NSUN2: variants seen among roughly 807,000 people sequenced by gnomAD.
NSUN2 encodes NOP2/Sun RNA methyltransferase 2.
A neutral mutation model predicts 92.7 loss-of-function variants in NSUN2; 63 were observed. That is an observed-to-expected ratio of 0.68 (90% CI 0.56 to 0.84). The LOEUF (loss-of-function observed/expected upper bound fraction) is 0.84, where lower values mean the gene tolerates loss of function less well. Ranked by LOEUF, NSUN2 falls within the 40% of genes least tolerant of loss-of-function variation. NSUN2 has a pLI of 0.00. For missense variants in NSUN2, 989 were observed against 964.9 expected, an observed-to-expected ratio of 1.02 and a Z score of -0.33; for synonymous variants, 356 against 348.3, an observed-to-expected ratio of 1.02 and a Z score of -0.25.
chr5:6,612,095 A>G (rs368738075), intron 9 of NSUN2, among the ~76,000 whole-genome samples: 51 of 152,336 alleles, frequency 3.3e-4, no homozygotes, highest in African/African-American at 1.1e-3. Flanking sequence ...AAACTTACTA[A>G]AAATCACTGA....
At chr5:6,609,774 C>G in intron 12 of NSUN2, 52 bp downstream of exon 12, 1 of 1,450,212 alleles carries the variant, frequency 6.9e-7, no homozygotes, top group East Asian at 2.3e-5. Flanking sequence ...TAGTTTTTGT[C>G]TTAAATGTAC....
chr5:6,633,005 C>A lies in NSUN2; in HGVS notation c.-26G>T. On this transcript the variant is annotated 5_prime_UTR_variant, in exon 1 of 19. Transcript: ENST00000264670. ...AGCCCACGCGGCCGCGCACGCAGCA[C>A]GCAGAAACCGGCCCGCCACGGCCAG... The A allele has an allele frequency of 7.0e-7, 1 of 1,423,592 alleles. No homozygotes were observed. Among genetic ancestry groups the A allele is most frequent in the Non-Finnish European group, 9.1e-7 (1 of 1,100,278 alleles). 88.2% of individuals were successfully genotyped at this position (1,423,592 alleles called of 1,614,324 possible). A position where few individuals can be genotyped will look rare whatever the true frequency, so the allele number is the denominator to read the frequency against.
rs757708916 is a variant in NSUN2, at chr5:6,632,729, C to T, written c.124G>A (p.Val42Ile). The T allele has an allele frequency of 1.9e-6, 3 of 1,614,060 alleles. No homozygotes were observed. The highest frequency in any genetic ancestry group is 2.5e-6 in the Non-Finnish European group (3 of 1,179,952). ...AGWEGGYPEI[V>I]KENKLFEHYY... ...TGCTCGAACAGCTTGTTCTCCTTGA[C>T]GATCTCGGGGTAGCCTCCTTCCCAG... Residue 42 changes from valine (V) to isoleucine (I), a missense_variant, in exon 2 of 19, where the codon GTC becomes ATC. Physicochemically the swap from Val to Ile is conservative, Grantham distance 29 (BLOSUM62 3). This residue lies in a region of NSUN2 where 356 missense variants were observed against 338.6 expected (regional missense o/e 1.05). Transcript: ENST00000264670.
intron 7 of NSUN2, 46 bp downstream of exon 7, chr5:6,620,060 T>C: frequency 6.9e-7 from 1 of 1,444,154 alleles, no homozygotes; most frequent in Non-Finnish European, 9.3e-7. Context: ...CTATTTGACT[T>C]GATTTCTTTA....
intron 2 of NSUN2, 62 bp downstream of exon 2, chr5:6,632,537 G>A: frequency 1.9e-6 from 3 of 1,566,976 alleles, no homozygotes; most frequent in Non-Finnish European, 2.6e-6. Context: ...AGAAAACACC[G>A]TCGCCTTTAA....
chr5:6,619,409 T>C (rs1335994049), intron 7 of NSUN2, among the ~76,000 whole-genome samples: 1 of 152,236 alleles, frequency 6.6e-6, no homozygotes, highest in Non-Finnish European at 1.5e-5. Flanking sequence ...AATTCTGGTC[T>C]TGACAAACTT....
chr5:6,608,857 A>C (rs2126478582), intron 12 of NSUN2, among the ~76,000 whole-genome samples: 1 of 152,360 alleles, frequency 6.6e-6, no homozygotes, highest in East Asian at 1.9e-4. Context: ...AAAGTATCTA[A>C]TACTTTACAA....
chr5:6,607,287 G>T lies in NSUN2; in HGVS notation c.1421C>A (p.Pro474Gln). The T allele has an allele frequency of 6.2e-7, 1 of 1,614,146 alleles. No homozygotes were observed. The highest frequency in any genetic ancestry group is 1.7e-5 in the Admixed American group (1 of 60,014). The stretch of plus-strand genomic sequence containing the variant: ...TGTGTCACCAGTTCCTGTGAATGAC[G>T]GACTTTCCAGCTTAGAGGGATCTGT... ...KPTDPSKLES[P>Q]SFTGTGDTEI... The change falls in exon 13 of 19, where the codon CCG becomes CAG. Residue 474 changes from proline (P) to glutamine (Q), a missense_variant. Coordinates refer to ENST00000264670, the MANE Select transcript of NSUN2 (RefSeq NM_017755.6).
chr5:6,619,255 A>G (rs1737337166), intron 7 of NSUN2, among the ~76,000 whole-genome samples: 1 of 152,244 alleles, frequency 6.6e-6, no homozygotes, highest in South Asian at 2.1e-4. Flanking sequence ...AGCTATATTC[A>G]GAGCCACCAG....
chr5:6,604,953 A>T, intron 15 of NSUN2: 1 of 597,226 alleles, frequency 1.7e-6, no homozygotes, highest in Non-Finnish European at 3.0e-6. Flanking sequence ...GGGTCGGGGC[A>T]GCAGTACTCG....
intron 3 of NSUN2, 140 bp from the exon 4 acceptor site, chr5:6,625,809 C>G (rs922731825): frequency 6.2e-6 from 4 of 645,084 alleles, no homozygotes; most frequent in Non-Finnish European, 1.1e-5. Flanking sequence ...CCTCTACGGA[C>G]AGTCAGCAAC....
At position 6,610,671 on chromosome 5, in the gene NSUN2, G is replaced by C. The variant is rs577521876; in HGVS notation, c.1226+284C>G. 4.4e-5 allele frequency among the ~76,000 whole-genome samples: 6 copies of C among 137,806 alleles called. 1 individual carries two copies. The East Asian group carries it at 1.3e-3, about 30-fold the overall frequency. The allele number at this position is 137,806 out of a possible 152,430, so 90.4% of individuals were successfully genotyped here. A position where few individuals can be genotyped will look rare whatever the true frequency, so the allele number is the denominator to read the frequency against. The stretch of plus-strand genomic sequence containing the variant: ...TACACTCCAGCCTGGATGACAGAGT[G>C]AGACTCTCTCTCAAAAAAAAAAAAA... On this transcript the variant is annotated intron_variant, in intron 11 of 18. Transcript: ENST00000264670.
chr5:6,606,307 G>A (rs533274555), intron 14 of NSUN2, among the ~76,000 whole-genome samples: 28 of 152,070 alleles, frequency 1.8e-4, no homozygotes, highest in Middle Eastern at 6.8e-3. Context: ...TTTTTGAGAC[G>A]GAGTCTCGCT....
intron 4 of NSUN2, among the ~76,000 whole-genome samples, chr5:6,624,276 C>T (rs1737567416): frequency 6.6e-6 from 1 of 152,206 alleles, no homozygotes; most frequent in Non-Finnish European, 1.5e-5. Context: ...AAGATGGGGA[C>T]ATCCCGGCAG....
At chr5:6,619,304 T>C (rs1737338250) in intron 7 of NSUN2, among the ~76,000 whole-genome samples, 1 of 151,926 alleles carries the variant, frequency 6.6e-6, no homozygotes. Flanking sequence ...GAGCAGTAAC[T>C]CTGCCACTTA....
chr5:6,614,094 G>T (rs1245762904), intron 9 of NSUN2, among the ~76,000 whole-genome samples: 1 of 53,414 alleles, frequency 1.9e-5, no homozygotes, highest in Non-Finnish European at 3.5e-5. Flanking sequence ...AGACTGTCTC[G>T]GAAAAAAAAA....
intron 9 of NSUN2, among the ~76,000 whole-genome samples, chr5:6,612,464 T>C (rs759787196): frequency 4.5e-4 from 68 of 152,172 alleles, no homozygotes; most frequent in Admixed American, 2.4e-3. Flanking sequence ...GAAAACACAC[T>C]GGCCTTAAGT....
Position 6,620,308 on chromosome 5 carries a change from C to T in NSUN2, c.623-10G>A. The T allele has an allele frequency of 6.5e-7, 1 of 1,544,040 alleles. No individual in the cohort carries two copies. Among genetic ancestry groups the T allele is most frequent in the Non-Finnish European group, 8.7e-7 (1 of 1,143,124 alleles). On this transcript the variant is annotated splice_polypyrimidine_tract_variant and intron_variant, in intron 6 of 18. Transcript: ENST00000264670. Reference sequence around the variant, plus strand: ...GCAATAACAAATCCCTCTGAAGGCACAGAATTGCAGTGTCAGGTGAAATGG... The same window carrying T: ...GCAATAACAAATCCCTCTGAAGGCATAGAATTGCAGTGTCAGGTGAAATGG...
intron 3 of NSUN2, among the ~76,000 whole-genome samples, chr5:6,628,161 A>G (rs1737728954): frequency 6.6e-6 from 1 of 152,190 alleles, no homozygotes; most frequent in African/African-American, 2.4e-5. Context: ...TAGCCTGTCC[A>G]ACATGGCAAA....
Sources: gnomAD v4.1 joint callset for allele counts (sites outside exome capture counted in the v4.1 genomes callset) on GRCh38, gnomAD v4.1.1 for gene constraint, gnomAD v4.1.1 regional missense constraint, MANE v1.5 for transcripts, NCBI Gene and HGNC (gene_info 2026-07-23, HGNC 2026-07-21) for gene names.